Variants in FGFR1 observed in about 807,000 individuals in gnomAD.
FGFR1 encodes fibroblast growth factor receptor 1.
Under a neutral mutation model 93.7 loss-of-function variants are expected in FGFR1, and 18 were observed. The observed-to-expected ratio is 0.19, with a 90% CI of 0.13 to 0.28. The LOEUF is 0.28. FGFR1 is among the 10% of genes least tolerant of loss of function. The pLI, the probability that FGFR1 is intolerant of heterozygous loss-of-function variation, is 1.00. For missense variants in FGFR1, 731 were observed against 1,080.4 expected, an observed-to-expected ratio of 0.68 and a Z score of 4.53; for synonymous variants, 448 against 429.3, an observed-to-expected ratio of 1.04 and a Z score of -0.54.
At chr8:38,432,908 G>GCCCCCCCCCCCCCCCC (rs752109045) in intron 2 of FGFR1, among the ~76,000 whole-genome samples, 1 of 47,482 alleles carries the variant, frequency 2.1e-5, no homozygotes, top group Non-Finnish European at 4.3e-5. Context: ...TCCCCACCGC[G>GCCCCCCCCCCCCCCCC]CCCCCCCCCC....
rs1563426383 is a variant in FGFR1 at position 38,413,676 on chromosome 8, C to G, written c.2421G>C (p.Leu807=). 1 of 1,613,422 alleles carries G rather than the reference C, an allele frequency of 6.2e-7. No individual in the cohort carries two copies. The highest frequency in any genetic ancestry group is 8.5e-7 in the Non-Finnish European group (1 of 1,179,798). ...TGGCAAGCTGGGCTGGGTGTCGGGG[C>G]AGGCAGGGCTCCTCGGGCAGCGGCT... ...SHEPLPEEPC[L]PRHPAQLANG... is the part of the protein sequence containing the mutation. The change falls in exon 18 of 18, where the codon CTG becomes CTC. Residue 807 remains leucine, a synonymous_variant. Transcript: ENST00000447712. The surrounding 1 kb of genome is among the most constrained non-coding windows in gnomAD (Gnocchi z 4.2).
At chr8:38,414,084 C>A (rs2150526904) in intron 16 of FGFR1, 61 bp from the exon 17 acceptor site, 2 of 1,613,964 alleles carry the variant, frequency 1.2e-6, no homozygotes, top group Non-Finnish European at 1.7e-6. Context: ...TAGTCTAGCC[C>A]CCTGCCCCTC....
At chr8:38,432,373 T>C (rs1381385868) in intron 2 of FGFR1, among the ~76,000 whole-genome samples, 2 of 151,918 alleles carry the variant, frequency 1.3e-5, no homozygotes, top group Non-Finnish European at 2.9e-5. Context: ...TCAGGTATGC[T>C]CTGTCCTATC....
intron 1 of FGFR1, among the ~76,000 whole-genome samples, chr8:38,458,650 T>C (rs1833564972): frequency 6.6e-6 from 1 of 152,172 alleles, no homozygotes; most frequent in African/African-American, 2.4e-5. Flanking sequence ...TAAGGACCAG[T>C]AAATGGAAGC....
At chr8:38,422,645 TC>T in intron 7 of FGFR1, 1 of 291,552 alleles carries the variant, frequency 3.4e-6, no homozygotes, top group South Asian at 7.5e-5. Context: ...CAAGCGATCC[TC>T]CCACCTCAGC....
chr8:38,463,677 A>C (rs1834909968), intron 1 of FGFR1, among the ~76,000 whole-genome samples: 1 of 152,234 alleles, frequency 6.6e-6, no homozygotes, highest in Non-Finnish European at 1.5e-5. Context: ...GAGGCTGAGA[A>C]TATCAGAGAA....
chr8:38,417,352 C>T lies in FGFR1; in HGVS notation c.1617G>A (p.Gly539=), dbSNP rs1233846413. The part of the protein sequence containing the change: ...ISEMEMMKMI[G]KHKNIINLLG... Reference sequence around the variant, plus strand: ...GCAGGTTGATGATATTCTTATGCTTCCCGATCATCTTCATCATCTCCATTT... The same window carrying T: ...GCAGGTTGATGATATTCTTATGCTTTCCGATCATCTTCATCATCTCCATTT... The change falls in exon 12 of 18, where the codon GGG becomes GGA. Residue 539 remains glycine, a synonymous_variant. Coordinates refer to ENST00000447712, the MANE Select transcript of FGFR1 (RefSeq NM_023110.3). 4 of 1,614,054 alleles carry T rather than the reference C, an allele frequency of 2.5e-6. No individual in the cohort carries two copies. The Admixed American group carries it at 6.7e-5, about 27-fold the overall frequency.
At chr8:38,456,733 G>A (rs994704298) in intron 2 of FGFR1, among the ~76,000 whole-genome samples, 3 of 152,078 alleles carry the variant, frequency 2.0e-5, no homozygotes, top group African/African-American at 7.2e-5. Context: ...ATCACACCCA[G>A]TTAATTTCCT....
In FGFR1 at chr8:38,430,078, T is replaced by C. The variant is rs1822427190; in HGVS notation, c.92-130A>G. 3.3e-6 allele frequency: 3 copies of C among 905,478 alleles called. No individual in the cohort carries two copies. The East Asian group carries it at 8.0e-5, about 24-fold the overall frequency. 56.1% of individuals were successfully genotyped at this position (905,478 alleles called of 1,614,324 possible). A position where few individuals can be genotyped will look rare whatever the true frequency, so the allele number is the denominator to read the frequency against. Reference sequence around the variant, plus strand: ...CCGCACCATCCTGGGCATCACTTACTGGAGGCTACTGAGCCAGGGCAGTGG... The same window carrying C: ...CCGCACCATCCTGGGCATCACTTACCGGAGGCTACTGAGCCAGGGCAGTGG... On this transcript the variant is annotated intron_variant, in intron 2 of 17. Transcript: ENST00000447712.
Position 38,413,731 on chromosome 8 carries a change from G to C in FGFR1, c.2366C>G (p.Ser789Cys), listed in dbSNP as rs2150508512. 6.2e-7 allele frequency: 1 copy of C among 1,614,140 alleles called. No homozygotes were observed. The highest frequency in any genetic ancestry group is 1.1e-5 in the South Asian group (1 of 91,078). Residue 789 changes from serine (S) to cysteine (C), a missense_variant, in exon 18 of 18, where the codon TCC (serine) becomes TGC (cysteine). Around this residue, in one of 10 missense-constraint regions of FGFR1, gnomAD observed 79 missense variants for 97.2 expected, o/e 0.81. Transcript: ENST00000447712. This position sits in a 1 kb window ranked among gnomAD's most constrained non-coding sequence, Gnocchi z 4.2. ...AGAGAAGACGGAATCCTCCCCTGAG[G>C]AGCACGTAGAGCTCCGGGTGTCGGG... ...SFPDTRSSTC[S>C]SGEDSVFSHE... is the part of the protein sequence containing the mutation.
intron 1 of FGFR1, among the ~76,000 whole-genome samples, chr8:38,462,530 CTTTCT>C (rs934266674): frequency 2.6e-5 from 4 of 152,076 alleles, no homozygotes; most frequent in African/African-American, 4.8e-5. Flanking sequence ...TTACCTATTT[CTTTCT>C]TTTAACTTAA....
At chr8:38,448,328 G>C (rs973019016) in intron 2 of FGFR1, among the ~76,000 whole-genome samples, 3 of 145,828 alleles carry the variant, frequency 2.1e-5, no homozygotes. Flanking sequence ...TGCCCAGGCT[G>C]AAGTGAAGTG....
In FGFR1 at chr8:38,426,690, A is replaced by T. The variant is rs562681877; in HGVS notation, c.622-445T>A. On this transcript the variant is annotated intron_variant, in intron 5 of 17. Coordinates refer to ENST00000447712, the MANE Select transcript of FGFR1 (RefSeq NM_023110.3). The surrounding 1 kb of genome is among the most constrained non-coding windows in gnomAD (Gnocchi z 4.1). ...CCTACCAAAGCACTGATCACAGTCT[A>T]CTTTTTACGGTAGCTGCTCATGGAC... Among the ~76,000 whole-genome samples the T allele has an allele frequency of 7.2e-5, 11 of 152,346 alleles. No homozygotes were observed. The South Asian group carries it at 2.3e-3, about 32-fold the overall frequency.
intron 2 of FGFR1, among the ~76,000 whole-genome samples, chr8:38,455,786 T>C (rs1832665869): frequency 6.6e-6 from 1 of 152,120 alleles, no homozygotes; most frequent in Non-Finnish European, 1.5e-5. Context: ...CTCAAGCCCA[T>C]CTCAGGTGCT....
Position 38,424,330 on chromosome 8 carries a change from C to T in FGFR1, c.936+179G>A, listed in dbSNP as rs1465154943. 7 of 758,496 alleles carry T rather than the reference C, an allele frequency of 9.2e-6. No homozygotes were observed. The highest frequency in any genetic ancestry group is 1.7e-5 in the Non-Finnish European group (7 of 423,430). The allele number at this position is 758,496 out of a possible 1,614,324, so 47.0% of individuals were successfully genotyped here. A position where few individuals can be genotyped will look rare whatever the true frequency, so the allele number is the denominator to read the frequency against. ...TTCCCAGCTCACCTCCACTTTGTGA[C>T]CTCTGTTACTAGTCCTGGGGGATGT... On this transcript the variant is annotated intron_variant, in intron 7 of 17. Transcript: ENST00000447712. The surrounding 1 kb of genome is among the most constrained non-coding windows in gnomAD (Gnocchi z 4.3).
At position 38,447,098 on chromosome 8, in the gene FGFR1, A is replaced by AACACAC. The variant is rs57917657; in HGVS notation, c.91+10252_91+10257dup. Among the ~76,000 whole-genome samples the AACACAC allele has an allele frequency of 8.8e-3, 1,173 of 133,328 alleles. 11 individuals are homozygous for AACACAC. Among genetic ancestry groups the AACACAC allele is most frequent in the South Asian group, 0.012 (42 of 3,560 alleles). 87.5% of individuals were successfully genotyped at this position (133,328 alleles called of 152,430 possible). A position where few individuals can be genotyped will look rare whatever the true frequency, so the allele number is the denominator to read the frequency against. On this transcript the variant is annotated intron_variant, in intron 2 of 17. Coordinates refer to ENST00000447712, the MANE Select transcript of FGFR1 (RefSeq NM_023110.3). ...GCCACAGGAGATATTACTGCAAGCA[A>AACACAC]ACACACACACACACACACACACACA...
intron 1 of FGFR1, chr8:38,466,780 G>A (rs1362371964): frequency 1.0e-5 from 2 of 199,764 alleles, no homozygotes; most frequent in Admixed American, 6.1e-5. Context: ...AGATGCGGCT[G>A]CTACATCTGG....
chr8:38,451,341 G>T (rs1391396577), intron 2 of FGFR1, among the ~76,000 whole-genome samples: 2 of 151,232 alleles, frequency 1.3e-5, no homozygotes, highest in African/African-American at 4.9e-5. Context: ...AGGTCTGATA[G>T]TGGAACAGAG....
intron 1 of FGFR1, chr8:38,461,015 T>C (rs1025429267): frequency 6.6e-7 from 1 of 1,507,688 alleles, no homozygotes; most frequent in Non-Finnish European, 8.9e-7. Flanking sequence ...GATTCATGCC[T>C]GCATGCAGAG....
Sources: allele counts gnomAD v4.1 joint callset (sites outside exome capture counted in the v4.1 genomes callset), GRCh38; gene constraint gnomAD v4.1.1; regional missense constraint gnomAD v4.1.1; non-coding constraint Gnocchi (gnomAD v3.1); transcripts MANE v1.5; gene names NCBI Gene and HGNC (gene_info 2026-07-23, HGNC 2026-07-21).